Variants in PC observed in about 807,000 individuals in gnomAD.
The protein encoded by PC is pyruvate carboxylase, mitochondrial.
Under a neutral mutation model 107.8 loss-of-function variants are expected in PC, and 46 were observed. That is an observed-to-expected ratio of 0.43 (90% CI 0.34 to 0.55). The LOEUF is 0.55. Among genes scored for constraint, PC ranks in the 20% least tolerant of loss-of-function variants. The pLI is 0.04. For missense variants in PC, 1,241 were observed against 1,643.1 expected (o/e 0.76, Z 4.23); for synonymous variants, 662 against 684.7 (o/e 0.97, Z 0.52).
rs556618521 is a variant in PC at position 66,866,685 on chromosome 11, G to T, written c.1023-336C>A. On this transcript the variant is annotated intron_variant, in intron 10 of 22. Coordinates refer to ENST00000393960, the MANE Select transcript of PC (RefSeq NM_001040716.2). This position sits in a 1 kb window ranked among gnomAD's most constrained non-coding sequence, Gnocchi z 5.4. ...CCTGTACTCTGCCTCCTCCTTCCTT[G>T]AGGTCTGTTTTCCCCACTCCCCTAA... Among the ~76,000 whole-genome samples the T allele has an allele frequency of 3.9e-5, 6 of 152,272 alleles. No individual in the cohort carries two copies. The highest frequency in any genetic ancestry group is 8.8e-5 in the Non-Finnish European group (6 of 68,024).
intron 12 of PC, among the ~76,000 whole-genome samples, chr11:66,854,639 C>G (rs778411225): frequency 2.0e-5 from 3 of 152,200 alleles, no homozygotes; most frequent in Admixed American, 6.5e-5. Flanking sequence ...CTGGCTTCCA[C>G]CGCGAAGAAA....
intron 12 of PC, chr11:66,859,692 G>C (rs763991079): frequency 6.2e-7 from 1 of 1,612,788 alleles, no homozygotes; most frequent in Non-Finnish European, 8.5e-7. Context: ...CCCCGGCGCT[G>C]ACTATGACCT....
chr11:66,933,651 C>G (rs919862951), intron 3 of PC, among the ~76,000 whole-genome samples: 3 of 152,116 alleles, frequency 2.0e-5, no homozygotes, highest in Non-Finnish European at 4.4e-5. Context: ...CCCATGACAA[C>G]TTTTCTTCTG....
chr11:66,885,487 T>TA (rs35717036), intron 3 of PC, among the ~76,000 whole-genome samples: 2,451 of 104,162 alleles, frequency 0.024, 223 homozygotes, highest in Admixed American at 0.17. Context: ...AGACTCTGTC[T>TA]AAAAAAAAAA....
At chr11:66,892,210 C>T (rs1344778618) in intron 3 of PC, among the ~76,000 whole-genome samples, 3 of 152,136 alleles carry the variant, frequency 2.0e-5, no homozygotes, top group Non-Finnish European at 4.4e-5. Flanking sequence ...AAAGACTGGC[C>T]TTGAACTAGA....
chr11:66,937,292 GT>G (rs1261981720), intron 3 of PC, among the ~76,000 whole-genome samples: 1 of 152,200 alleles, frequency 6.6e-6, no homozygotes, highest in Non-Finnish European at 1.5e-5. Flanking sequence ...CTTCAACAGT[GT>G]TCATCCCACT....
At chr11:66,863,504 G>T (rs1215323975) in intron 12 of PC, among the ~76,000 whole-genome samples, 1 of 152,226 alleles carries the variant, frequency 6.6e-6, no homozygotes, top group African/African-American at 2.4e-5. Context: ...GGTCTCCCCG[G>T]AACAAGACTA....
intron 3 of PC, among the ~76,000 whole-genome samples, chr11:66,922,518 T>C (rs1948618992): frequency 7.4e-6 from 1 of 135,020 alleles, no homozygotes; most frequent in Admixed American, 9.1e-5. Context: ...AGGTTGCTTG[T>C]AGTGAGCCGA....
At chr11:66,864,047 C>A in intron 11 of PC, 91 bp from the exon 12 acceptor site, 1 of 1,309,902 alleles carries the variant, frequency 7.6e-7, no homozygotes, top group Admixed American at 1.7e-5. Flanking sequence ...GTGCACCCAG[C>A]AGCTGCTGAG....
rs1173505744 is a variant in PC, at chr11:66,870,541, C to T, written c.752-88G>A. ...ATCACCCCCACATAACCACTGTCGC[C>T]AGTCAGTGCCGGCTGCCAGCGGTAC... On this transcript the variant is annotated intron_variant, in intron 8 of 22. Coordinates refer to ENST00000393960, the MANE Select transcript of PC (RefSeq NM_001040716.2). The surrounding 1 kb of genome is among the most constrained non-coding windows in gnomAD (Gnocchi z 6.1). 2 of 1,462,052 alleles carry T rather than the reference C, an allele frequency of 1.4e-6. No homozygotes were observed. Among genetic ancestry groups the T allele is most frequent in the South Asian group, 1.2e-5 (1 of 86,748 alleles). The allele number at this position is 1,462,052 out of a possible 1,614,324, so 90.6% of individuals were successfully genotyped here. A position where few individuals can be genotyped will look rare whatever the true frequency, so the allele number is the denominator to read the frequency against.
chr11:66,906,203 A>T (rs908644898), intron 3 of PC, among the ~76,000 whole-genome samples: 1 of 152,210 alleles, frequency 6.6e-6, no homozygotes, highest in Non-Finnish European at 1.5e-5. Flanking sequence ...CCGCCTAAAA[A>T]GTATGCATTC....
chr11:66,854,665 A>G (rs2135830890), intron 12 of PC, among the ~76,000 whole-genome samples: 1 of 151,912 alleles, frequency 6.6e-6, no homozygotes, highest in South Asian at 2.1e-4. Context: ...TCCACGCGTC[A>G]CTTATTCATG....
intron 3 of PC, among the ~76,000 whole-genome samples, chr11:66,878,208 G>A (rs75182806): frequency 0.015 from 2,344 of 152,228 alleles, 37 homozygotes; most frequent in South Asian, 0.043. Context: ...CACTGGCACC[G>A]AGATTCTCAA....
At chr11:66,901,524 C>A (rs145044437) in intron 3 of PC, among the ~76,000 whole-genome samples, 1,854 of 152,264 alleles carry the variant, frequency 0.012, 37 homozygotes, top group African/African-American at 0.043. Context: ...GGCTGCAGTA[C>A]AATGGCGCGA....
chr11:66,876,636 C>T (rs1255440390), intron 3 of PC, among the ~76,000 whole-genome samples: 1 of 152,178 alleles, frequency 6.6e-6, no homozygotes, highest in Non-Finnish European at 1.5e-5. Flanking sequence ...ACATGCAGAT[C>T]TACAATCCTC....
intron 3 of PC, among the ~76,000 whole-genome samples, chr11:66,875,922 C>T (rs1206838486): frequency 3.3e-5 from 5 of 152,124 alleles, no homozygotes; most frequent in Non-Finnish European, 5.9e-5. Flanking sequence ...ATGGGGTTCC[C>T]GCTGCCGTGC....
chr11:66,946,155 A>G (rs1466251755), intron 3 of PC, among the ~76,000 whole-genome samples: 2 of 152,038 alleles, frequency 1.3e-5, no homozygotes, highest in Admixed American at 6.6e-5. Flanking sequence ...ACTCTAAGAG[A>G]ATATGGTCTG....
At position 66,858,397 on chromosome 11, in the gene PC, G is replaced by A. The variant is rs1381268679; in HGVS notation, c.1369-5014C>T. On this transcript the variant is annotated intron_variant, in intron 12 of 22. Coordinates refer to ENST00000393960, the MANE Select transcript of PC (RefSeq NM_001040716.2). This position sits in a 1 kb window ranked among gnomAD's most constrained non-coding sequence, Gnocchi z 5.9. ...CCGGACCCGCTTTTCTCTCGTGGGC[G>A]TGATGCAGAGGCCTCTCCCGCCCCC... 1.3e-6 allele frequency: 2 copies of A among 1,562,122 alleles called. No homozygotes were observed. The highest frequency in any genetic ancestry group is 1.7e-6 in the Non-Finnish European group (2 of 1,159,362).
intron 3 of PC, among the ~76,000 whole-genome samples, chr11:66,893,796 C>A (rs1462782017): frequency 1.3e-5 from 2 of 149,024 alleles, no homozygotes; most frequent in Admixed American, 6.7e-5. Context: ...CCCCCTACCC[C>A]CTCACTCCCC....
Sources: allele counts gnomAD v4.1 joint callset (sites outside exome capture counted in the v4.1 genomes callset), GRCh38; gene constraint gnomAD v4.1.1; non-coding constraint Gnocchi (gnomAD v3.1); transcripts MANE v1.5; gene names NCBI Gene and HGNC (gene_info 2026-07-23, HGNC 2026-07-21).